Variants in TXNDC16 observed in about 807,000 individuals in gnomAD.
TXNDC16 encodes thioredoxin domain containing 16, also known as thioredoxin domain-containing protein 16.
Under a neutral mutation model 85.6 loss-of-function variants are expected in TXNDC16, and 74 were observed. The ratio of observed to expected loss-of-function variants is 0.86; its 90% CI spans 0.72 to 1.05. The LOEUF (loss-of-function observed/expected upper bound fraction) is 1.05, where lower values mean the gene tolerates loss of function less well. Ranked by LOEUF, TXNDC16 falls within the 50% of genes least tolerant of loss-of-function variation. TXNDC16 has a pLI of 0.00. For synonymous variants in TXNDC16, 335 were observed against 326.5 expected (o/e 1.03, Z -0.28); for missense variants, 959 against 947.0 (o/e 1.01, Z -0.17).
In TXNDC16 at chr14:52,530,631, A is replaced by G. The variant is rs552066199; in HGVS notation, c.392+6088T>C. 3.5e-3 allele frequency among the ~76,000 whole-genome samples: 377 copies of G among 107,210 alleles called. 6 individuals carry two copies. The highest frequency in any genetic ancestry group is 0.013 in the African/African-American group (357 of 28,358). 70.3% of individuals were successfully genotyped at this position (107,210 alleles called of 152,430 possible). A position where few individuals can be genotyped will look rare whatever the true frequency, so the allele number is the denominator to read the frequency against. ...AGTATATATATGTGTGTGTATATACATATATATAAAAAATACCTAGGTATA... is the reference window on the plus strand; with the variant it reads ...AGTATATATATGTGTGTGTATATACGTATATATAAAAAATACCTAGGTATA... On this transcript the variant is annotated intron_variant, in intron 6 of 20. Transcript: ENST00000281741.
chr14:52,479,224 G>T (rs1348857224), intron 14 of TXNDC16, among the ~76,000 whole-genome samples: 9 of 152,080 alleles, frequency 5.9e-5, no homozygotes, highest in Admixed American at 2.0e-4. Flanking sequence ...ATGGGGAAAA[G>T]TTGAAAGTAT....
At chr14:52,459,110 TATAA>T (rs2035597697) in intron 16 of TXNDC16, among the ~76,000 whole-genome samples, 1 of 152,232 alleles carries the variant, frequency 6.6e-6, no homozygotes. Flanking sequence ...TTTCAGCTAC[TATAA>T]ATATATTTTA....
chr14:52,530,433 A>T (rs868779941), intron 6 of TXNDC16, among the ~76,000 whole-genome samples: 7 of 15,562 alleles, frequency 4.5e-4, no homozygotes, highest in Admixed American at 1.4e-3. Flanking sequence ...ATATATAATA[A>T]TATATAATAT....
intron 18 of TXNDC16, among the ~76,000 whole-genome samples, chr14:52,454,422 G>C (rs2035481237): frequency 7.4e-6 from 1 of 134,658 alleles, no homozygotes; most frequent in Admixed American, 7.6e-5. Flanking sequence ...GTGAAACTCT[G>C]TCTAAAAAAA....
intron 19 of TXNDC16, among the ~76,000 whole-genome samples, chr14:52,439,648 G>C: frequency 6.6e-6 from 1 of 152,134 alleles, no homozygotes; most frequent in Non-Finnish European, 1.5e-5. Context: ...ATGAAAAGCA[G>C]GCATAGCCCA....
rs1394259817 is a variant in TXNDC16 at position 52,430,946 on chromosome 14, T to C, written c.*1358A>G. On this transcript the variant is annotated 3_prime_UTR_variant, in exon 21 of 21. Coordinates refer to ENST00000281741, the MANE Select transcript of TXNDC16 (RefSeq NM_020784.3). ...GCTGTTAGATTCCTTAAATTTCAGT[T>C]ATAAAAATCAGTTGTATCAGGCAAA... 1 of 152,188 alleles carries C rather than the reference T, an allele frequency of 6.6e-6. No individual in the cohort carries two copies. Among genetic ancestry groups the C allele is most frequent in the Non-Finnish European group, 1.5e-5 (1 of 68,038 alleles). 9.4% of individuals were successfully genotyped at this position (152,188 alleles called of 1,614,324 possible).
At chr14:52,536,585 G>A (rs2037705924) in intron 6 of TXNDC16, 134 bp downstream of exon 6, 3 of 819,762 alleles carry the variant, frequency 3.7e-6, no homozygotes, top group Non-Finnish European at 5.5e-6. Flanking sequence ...AGATAGATTA[G>A]TAATTTGTGT....
chr14:52,529,403 C>T (rs1164393246), intron 6 of TXNDC16, among the ~76,000 whole-genome samples: 1 of 150,758 alleles, frequency 6.6e-6, no homozygotes, highest in African/African-American at 2.4e-5. Flanking sequence ...AGCACATCAA[C>T]ATGACACAGG....
intron 6 of TXNDC16, among the ~76,000 whole-genome samples, chr14:52,532,926 T>C (rs374261422): frequency 3.9e-5 from 6 of 152,342 alleles, no homozygotes; most frequent in African/African-American, 7.2e-5. Context: ...TTCTTTAACA[T>C]TGTAAATATC....
chr14:52,547,702 A>G (rs1166792643), intron 1 of TXNDC16, among the ~76,000 whole-genome samples: 1 of 152,184 alleles, frequency 6.6e-6, no homozygotes, highest in African/African-American at 2.4e-5. Flanking sequence ...GCACTGCCTT[A>G]TGTGTTCAAC....
intron 18 of TXNDC16, among the ~76,000 whole-genome samples, chr14:52,445,947 C>A (rs919965282): frequency 2.6e-5 from 4 of 152,108 alleles, no homozygotes; most frequent in Non-Finnish European, 4.4e-5. Context: ...TAAGAAAAAG[C>A]CTTTCATAAG....
intron 6 of TXNDC16, among the ~76,000 whole-genome samples, chr14:52,522,801 C>A (rs111613568): frequency 2.0e-5 from 3 of 152,294 alleles, no homozygotes; most frequent in African/African-American, 7.2e-5. Flanking sequence ...CAGTCAGACC[C>A]AGATTCTAGG....
At chr14:52,475,563 T>C (rs2036002265) in intron 14 of TXNDC16, among the ~76,000 whole-genome samples, 1 of 152,058 alleles carries the variant, frequency 6.6e-6, no homozygotes, top group Admixed American at 6.5e-5. Context: ...TCCACTTCCC[T>C]GACAACCTGC....
chr14:52,501,204 A>C (rs1414533243), intron 9 of TXNDC16, among the ~76,000 whole-genome samples: 1 of 152,180 alleles, frequency 6.6e-6, no homozygotes, highest in East Asian at 1.9e-4. Context: ...CATCGTGAGT[A>C]TAAGACATAG....
intron 14 of TXNDC16, among the ~76,000 whole-genome samples, chr14:52,473,716 G>GA (rs564741709): frequency 4.3e-4 from 65 of 152,146 alleles, no homozygotes; most frequent in African/African-American, 1.3e-3. Context: ...TAACTTAAAA[G>GA]AAAAAACAGA....
At chr14:52,492,510 G>C (rs1271402395) in intron 9 of TXNDC16, among the ~76,000 whole-genome samples, 1 of 152,056 alleles carries the variant, frequency 6.6e-6, no homozygotes, top group East Asian at 1.9e-4. Context: ...CACACTTCTT[G>C]AATTCTCACA....
intron 5 of TXNDC16, 123 bp from the exon 6 acceptor site, chr14:52,536,916 T>C (rs575372068): frequency 1.4e-5 from 9 of 661,462 alleles, no homozygotes; most frequent in South Asian, 2.2e-5. Flanking sequence ...CTGTGTCTTG[T>C]CCACATACTC....
chr14:52,453,421 A>G (rs2035457216), intron 18 of TXNDC16, among the ~76,000 whole-genome samples: 1 of 152,214 alleles, frequency 6.6e-6, no homozygotes, highest in Admixed American at 6.5e-5. Context: ...TTTGGAAGCA[A>G]CCTCAGGGTC....
intron 6 of TXNDC16, among the ~76,000 whole-genome samples, chr14:52,535,116 T>C (rs2037669762): frequency 6.6e-6 from 1 of 152,212 alleles, no homozygotes; most frequent in African/African-American, 2.4e-5. Context: ...TTTTTCTGTT[T>C]CTTCACCCCC....
Sources: gnomAD v4.1 joint callset for allele counts (sites outside exome capture counted in the v4.1 genomes callset) on GRCh38, gnomAD v4.1.1 for gene constraint, MANE v1.5 for transcripts, NCBI Gene and HGNC (gene_info 2026-07-23, HGNC 2026-07-21) for gene names.